Variants in KIFC1 observed in about 807,000 individuals in gnomAD.
KIFC1 encodes kinesin-like protein KIFC1.
KIFC1 carries 37 observed loss-of-function variants against 66.6 expected under a neutral mutation model. That is an observed-to-expected ratio of 0.56 (90% CI 0.43 to 0.73). The LOEUF is 0.73. Among genes scored for constraint, KIFC1 ranks in the 30% least tolerant of loss-of-function variants. KIFC1 has a pLI of 0.00. For synonymous variants in KIFC1, 325 were observed against 343.5 expected, an observed-to-expected ratio of 0.95 and a Z score of 0.60; for missense variants, 721 against 859.8, an observed-to-expected ratio of 0.84 and a Z score of 2.02.
intron 10 of KIFC1, among the ~76,000 whole-genome samples, chr6:33,408,838 GTTC>G (rs1422657058): frequency 6.6e-6 from 1 of 152,000 alleles, no homozygotes; most frequent in African/African-American, 2.4e-5. Flanking sequence ...GGCCACAGTC[GTTC>G]TTCTTTCTGA....
chr6:33,405,037 C>T lies in KIFC1; in HGVS notation c.942C>T (p.Phe314=), dbSNP rs1309679201. Residue 314 remains phenylalanine (F), a synonymous_variant, in exon 7 of 11, where the codon TTC becomes TTT. Transcript: ENST00000428849. This position sits in a 1 kb window ranked among gnomAD's most constrained non-coding sequence, Gnocchi z 5.4. ...LQELKGNIRV[F]CRVRPVLPGE... The stretch of plus-strand genomic sequence containing the variant: ...AACTCAAGGGCAACATCCGTGTATT[C>T]TGCCGGGTCCGCCCTGTCCTGCCGG... The T allele has an allele frequency of 5.0e-6, 8 of 1,614,128 alleles. No homozygotes were observed. The highest frequency in any genetic ancestry group is 5.9e-6 in the Non-Finnish European group (7 of 1,179,996).
chr6:33,403,640 A>G lies in KIFC1; in HGVS notation c.356-89A>G. 1 of 1,574,644 alleles carries G rather than the reference A, an allele frequency of 6.4e-7. No individual in the cohort carries two copies. The highest frequency in any genetic ancestry group is 8.7e-7 in the Non-Finnish European group (1 of 1,145,070). On this transcript the variant is annotated intron_variant, in intron 5 of 10. Coordinates refer to ENST00000428849, the MANE Select transcript of KIFC1 (RefSeq NM_002263.4). This position sits in a 1 kb window ranked among gnomAD's most constrained non-coding sequence, Gnocchi z 4.6. ...GTCTCTAAGGGGAAGGAGATGTAGC[A>G]TCAGGTGTGGATCCCATAAAGGCTA...
Position 33,406,162 on chromosome 6 carries a change from C to T in KIFC1, c.1537-34C>T, listed in dbSNP as rs187958964. 309 of 1,567,140 alleles carry T rather than the reference C, an allele frequency of 2.0e-4. 2 individuals are homozygous for T. In the African/African-American group the frequency reaches 3.4e-3, roughly 17 times the overall value. On this transcript the variant is annotated intron_variant, in intron 7 of 10. Coordinates refer to ENST00000428849, the MANE Select transcript of KIFC1 (RefSeq NM_002263.4). The surrounding 1 kb of genome is among the most constrained non-coding windows in gnomAD (Gnocchi z 4.5). ...ACATATTACTATGTACTGACTTCTGCCTGCCTTTTTGCCCCTTCTGCTCCC... is the reference window on the plus strand; with the variant it reads ...ACATATTACTATGTACTGACTTCTGTCTGCCTTTTTGCCCCTTCTGCTCCC...
Position 33,400,565 on chromosome 6 carries a change from C to T in KIFC1, c.250+2178C>T. The T allele has an allele frequency of 7.4e-7, 1 of 1,342,524 alleles. No individual in the cohort carries two copies. Among genetic ancestry groups the T allele is most frequent in the South Asian group, 1.2e-5 (1 of 83,190 alleles). The allele number at this position is 1,342,524 out of a possible 1,614,324, so 83.2% of individuals were successfully genotyped here. Reference sequence around the variant, plus strand: ...TCGAACTTCGGTGGCATGGTGGAGGCAGCTGGTGTCGGATGAACCCAGATT... The same window carrying T: ...TCGAACTTCGGTGGCATGGTGGAGGTAGCTGGTGTCGGATGAACCCAGATT... On this transcript the variant is annotated intron_variant, in intron 3 of 10. Coordinates refer to ENST00000428849, the MANE Select transcript of KIFC1 (RefSeq NM_002263.4). This position sits in a 1 kb window ranked among gnomAD's most constrained non-coding sequence, Gnocchi z 4.3.
intron 1 of KIFC1, among the ~76,000 whole-genome samples, chr6:33,395,023 A>G (rs1031994946): frequency 4.6e-5 from 7 of 152,222 alleles, no homozygotes. Context: ...GGGAGTAATC[A>G]GTTGTATCAG....
At chr6:33,408,257 A>G (rs547110265) in intron 10 of KIFC1, among the ~76,000 whole-genome samples, 11 of 152,160 alleles carry the variant, frequency 7.2e-5, no homozygotes, top group Non-Finnish European at 1.6e-4. Context: ...AAGTTCCACA[A>G]CCCTATCCCA....
chr6:33,398,132 C>T lies in KIFC1; in HGVS notation c.116C>T (p.Pro39Leu). The change falls in exon 2 of 11, where the codon CCT (proline) becomes CTT (leucine). Residue 39 changes from proline (P) to leucine (L), a missense_variant. By Grantham distance (98) the Pro-to-Leu change is moderately conservative (BLOSUM62 -3). Transcript: ENST00000428849. ...PLSGSRLKRR[P>L]DQMEDGLEPE... The stretch of plus-strand genomic sequence containing the variant: ...TCAGGAAGCAGACTCAAGAGGAGGC[C>T]TGACCAGATGGAAGATGGCCTGGAG... 4 of 1,614,106 alleles carry T rather than the reference C, an allele frequency of 2.5e-6. No individual in the cohort carries two copies. Among genetic ancestry groups the T allele is most frequent in the Non-Finnish European group, 3.4e-6 (4 of 1,180,014 alleles).
rs749191232 is a variant in KIFC1 at position 33,405,276 on chromosome 6, T to C, written c.1181T>C (p.Leu394Pro). ...QDEVFEEIAM[L>P]VQSALDGYPV... ...GAAGTGTTTGAAGAGATTGCCATGCTTGTCCAGTCAGCCCTGGATGGCTAT... is the reference window on the plus strand; with the variant it reads ...GAAGTGTTTGAAGAGATTGCCATGCCTGTCCAGTCAGCCCTGGATGGCTAT... Residue 394 changes from leucine to proline, a missense_variant, in exon 7 of 11, where the codon CTT becomes CCT. By Grantham distance (98) the Leu-to-Pro change is moderately conservative. Coordinates refer to ENST00000428849, the MANE Select transcript of KIFC1 (RefSeq NM_002263.4). This position sits in a 1 kb window ranked among gnomAD's most constrained non-coding sequence, Gnocchi z 5.4. 2.5e-6 allele frequency: 4 copies of C among 1,614,114 alleles called. No homozygotes were observed. The African/African-American group carries it at 5.3e-5, about 22-fold the overall frequency.
rs750340064 is a variant in KIFC1 at position 33,404,821 on chromosome 6, C to T, written c.757-31C>T. ...TTCTTCTTCTTGGTTGCATCTTACC[C>T]TCTGTGTATGTTGTGTTCTCTTCTG... On this transcript the variant is annotated intron_variant, in intron 6 of 10. Transcript: ENST00000428849. This position sits in a 1 kb window ranked among gnomAD's most constrained non-coding sequence, Gnocchi z 4.0. 4.5e-6 allele frequency: 7 copies of T among 1,557,940 alleles called. No homozygotes were observed. Among genetic ancestry groups the T allele is most frequent in the Non-Finnish European group, 5.2e-6 (6 of 1,148,818 alleles).
intron 10 of KIFC1, 81 bp from the exon 11 acceptor site, chr6:33,409,565 A>G: frequency 7.3e-7 from 1 of 1,369,076 alleles, no homozygotes; most frequent in Non-Finnish European, 1.0e-6. Flanking sequence ...CAGCCCTAGC[A>G]TTGGAGGATG....
intron 3 of KIFC1, among the ~76,000 whole-genome samples, chr6:33,402,905 T>C (rs1408244649): frequency 6.6e-6 from 1 of 152,346 alleles, no homozygotes; most frequent in South Asian, 2.1e-4. Flanking sequence ...GAGAATCGCT[T>C]GAACCCTGGA....
chr6:33,393,432 GCC>G (rs1774881765), intron 1 of KIFC1, among the ~76,000 whole-genome samples: 1 of 111,320 alleles, frequency 9.0e-6, no homozygotes, highest in Non-Finnish European at 1.7e-5. Context: ...TAGCACCATT[GCC>G]TTTTTTTTTT....
rs112635529 is a variant in KIFC1 at position 33,406,418 on chromosome 6, C to A, written c.1759C>A (p.Arg587=). 6.2e-7 allele frequency: 1 copy of A among 1,606,976 alleles called. No individual in the cohort carries two copies. The highest frequency in any genetic ancestry group is 1.3e-5 in the African/African-American group (1 of 74,808). The change falls in exon 8 of 11, where the codon CGG becomes AGG. Residue 587 remains arginine, a synonymous_variant. Transcript: ENST00000428849. The surrounding 1 kb of genome is among the most constrained non-coding windows in gnomAD (Gnocchi z 4.5). Reference sequence around the variant, plus strand: ...CGGCCCCGGGGAGCGGGAACGCCTTCGGGAAACACAGGCCATTAACAGCAG... The same window carrying A: ...CGGCCCCGGGGAGCGGGAACGCCTTAGGGAAACACAGGCCATTAACAGCAG... ...ALGPGERERL[R]ETQAINSSLS... is the part of the protein sequence containing the mutation.
Position 33,403,459 on chromosome 6 carries a change from C to T in KIFC1, c.305-26C>T. 1 of 1,613,424 alleles carries T rather than the reference C, an allele frequency of 6.2e-7. No homozygotes were observed. The highest frequency in any genetic ancestry group is 1.1e-5 in the South Asian group (1 of 91,062). On this transcript the variant is annotated intron_variant, in intron 4 of 10. Transcript: ENST00000428849. This position sits in a 1 kb window ranked among gnomAD's most constrained non-coding sequence, Gnocchi z 4.6. ...GTGGAGGGACACTGGTCCTGTAATTCCTAAGTCACCTCCTCAATTCTGTAG... is the reference window on the plus strand; with the variant it reads ...GTGGAGGGACACTGGTCCTGTAATTTCTAAGTCACCTCCTCAATTCTGTAG...
chr6:33,408,893 C>T (rs1441851314), intron 10 of KIFC1, among the ~76,000 whole-genome samples: 2 of 152,086 alleles, frequency 1.3e-5, no homozygotes, highest in African/African-American at 2.4e-5. Flanking sequence ...AACCTCCTGG[C>T]CGGGCGCGGT....
rs1775395236 is a variant in KIFC1, at chr6:33,401,938, C to T, written c.251-1376C>T. ...GCCAGGATGGTCTCAATCTCCTGAC[C>T]CCTTGATCTGCCCACCTCGGCCTCC... On this transcript the variant is annotated intron_variant, in intron 3 of 10. Transcript: ENST00000428849. The surrounding 1 kb of genome is among the most constrained non-coding windows in gnomAD (Gnocchi z 4.5). 2.0e-5 allele frequency among the ~76,000 whole-genome samples: 3 copies of T among 152,212 alleles called. No homozygotes were observed. Among genetic ancestry groups the T allele is most frequent in the Admixed American group, 2.0e-4 (3 of 15,292 alleles).
chr6:33,401,764 T>C lies in KIFC1; in HGVS notation c.251-1550T>C, dbSNP rs1486797899. Among the ~76,000 whole-genome samples, 3 of 151,726 alleles carry C rather than the reference T, an allele frequency of 2.0e-5. No individual in the cohort carries two copies. The highest frequency in any genetic ancestry group is 4.4e-5 in the Non-Finnish European group (3 of 67,964). ...TCGCCCAGGCTAGAGTGCAGTGGCA[T>C]GATCTCGGCTCACTGCAAGCTCCGT... On this transcript the variant is annotated intron_variant, in intron 3 of 10. Coordinates refer to ENST00000428849, the MANE Select transcript of KIFC1 (RefSeq NM_002263.4). The surrounding 1 kb of genome is among the most constrained non-coding windows in gnomAD (Gnocchi z 4.5).
Position 33,403,644 on chromosome 6 carries a change from G to T in KIFC1, c.356-85G>T. ...CTAAGGGGAAGGAGATGTAGCATCA[G>T]GTGTGGATCCCATAAAGGCTAGAAG... On this transcript the variant is annotated intron_variant, in intron 5 of 10. Coordinates refer to ENST00000428849, the MANE Select transcript of KIFC1 (RefSeq NM_002263.4). This position sits in a 1 kb window ranked among gnomAD's most constrained non-coding sequence, Gnocchi z 4.6. The T allele has an allele frequency of 6.3e-7, 1 of 1,575,998 alleles. No individual in the cohort carries two copies. Among genetic ancestry groups the T allele is most frequent in the Non-Finnish European group, 8.7e-7 (1 of 1,146,586 alleles).
chr6:33,406,917 G>C lies in KIFC1; in HGVS notation c.1977+42G>C, dbSNP rs773347273. On this transcript the variant is annotated intron_variant, in intron 10 of 10. Coordinates refer to ENST00000428849, the MANE Select transcript of KIFC1 (RefSeq NM_002263.4). This position sits in a 1 kb window ranked among gnomAD's most constrained non-coding sequence, Gnocchi z 4.5. Reference sequence around the variant, plus strand: ...TCAGCCTTGTCAGGACCCGTGGGTGGTTGTAGGCTTCTCCATTCCAATCCC... The same window carrying C: ...TCAGCCTTGTCAGGACCCGTGGGTGCTTGTAGGCTTCTCCATTCCAATCCC... The C allele has an allele frequency of 6.2e-7, 1 of 1,612,850 alleles. No homozygotes were observed. The highest frequency in any genetic ancestry group is 8.5e-7 in the Non-Finnish European group (1 of 1,179,476).
Sources: gnomAD v4.1 joint callset for allele counts (sites outside exome capture counted in the v4.1 genomes callset) on GRCh38, gnomAD v4.1.1 for gene constraint, Gnocchi (gnomAD v3.1) non-coding constraint, MANE v1.5 for transcripts, NCBI Gene and HGNC (gene_info 2026-07-23, HGNC 2026-07-21) for gene names.